The following DAB2IP variants were observed in gnomAD, a reference collection of about 807,000 sequenced individuals.
DAB2IP encodes disabled homolog 2-interacting protein.
A neutral mutation model predicts 107.2 loss-of-function variants in DAB2IP; 28 were observed. The ratio of observed to expected loss-of-function variants is 0.26; its 90% CI spans 0.19 to 0.36. The LOEUF (loss-of-function observed/expected upper bound fraction) is 0.36. Ranked by LOEUF, DAB2IP falls within the 10% of genes least tolerant of loss-of-function variation. DAB2IP has a pLI of 1.00. For synonymous variants in DAB2IP, 755 were observed against 706.4 expected (o/e 1.07, Z -1.09); for missense variants, 1,400 against 1,644.7 (o/e 0.85, Z 2.57).
intron 3 of DAB2IP, among the ~76,000 whole-genome samples, chr9:121,707,831 G>T (rs550250692): frequency 3.3e-5 from 5 of 152,226 alleles, no homozygotes; most frequent in African/African-American, 7.2e-5. Context: ...TCTGGCTTGG[G>T]AGGAGATTGA....
intron 1 of DAB2IP, among the ~76,000 whole-genome samples, chr9:121,641,991 TC>T (rs781202073): frequency 0.02 from 1,547 of 77,722 alleles, 56 homozygotes; most frequent in African/African-American, 0.038. Context: ...TTTCTTTCTT[TC>T]CTTTCTCTCT....
At chr9:121,604,048 T>C (rs961319778) in intron 1 of DAB2IP, among the ~76,000 whole-genome samples, 15 of 151,814 alleles carry the variant, frequency 9.9e-5, no homozygotes, top group African/African-American at 3.6e-4. Context: ...TACCTTAGAA[T>C]TACACAGTGT....
intron 3 of DAB2IP, among the ~76,000 whole-genome samples, chr9:121,705,968 G>T (rs943598353): frequency 5.3e-5 from 8 of 152,192 alleles, no homozygotes; most frequent in African/African-American, 1.9e-4. Context: ...GATCATAAGA[G>T]ACCAAAAAGG....
intron 8 of DAB2IP, among the ~76,000 whole-genome samples, chr9:121,764,620 T>C (rs941001457): frequency 6.6e-6 from 1 of 152,084 alleles, no homozygotes; most frequent in African/African-American, 2.4e-5. Flanking sequence ...AGTGGGTTCA[T>C]ATTCACCCCA....
intron 3 of DAB2IP, among the ~76,000 whole-genome samples, chr9:121,732,044 G>T (rs1180747434): frequency 6.6e-6 from 1 of 152,114 alleles, no homozygotes; most frequent in African/African-American, 2.4e-5. Context: ...TGGACTCTCT[G>T]GGGGGCCAGG....
chr9:121,619,241 G>C (rs976583742), intron 1 of DAB2IP, among the ~76,000 whole-genome samples: 2 of 152,132 alleles, frequency 1.3e-5, no homozygotes, highest in African/African-American at 4.8e-5. Flanking sequence ...CTGTCTCCCA[G>C]GTTCAAGCAA....
intron 3 of DAB2IP, among the ~76,000 whole-genome samples, chr9:121,756,438 TG>T (rs757396688): frequency 6.6e-6 from 1 of 152,230 alleles, no homozygotes; most frequent in Non-Finnish European, 1.5e-5. Flanking sequence ...GCATCCCTTC[TG>T]CTTCGAGACT....
chr9:121,570,221 T>C (rs7032907), intron 1 of DAB2IP, among the ~76,000 whole-genome samples: 75,493 of 148,864 alleles, frequency 0.51, 19,845 homozygotes, highest in East Asian at 0.76. Context: ...CAATCCATCC[T>C]CCCACCTCAG....
At position 121,782,524 on chromosome 9, in the gene DAB2IP, C is replaced by T. The variant is rs1273779712; in HGVS notation, c.*26C>T. 1 of 1,610,740 alleles carries T rather than the reference C, an allele frequency of 6.2e-7. No individual in the cohort carries two copies. Among genetic ancestry groups the T allele is most frequent in the Non-Finnish European group, 8.5e-7 (1 of 1,177,736 alleles). On this transcript the variant is annotated 3_prime_UTR_variant, in exon 16 of 16. Transcript: ENST00000408936. The surrounding 1 kb of genome is among the most constrained non-coding windows in gnomAD (Gnocchi z 6.1). ...CCTGCCTGAGGAGGGAGGAAGCTAC[C>T]CAAGGAGAGGGGGACTATGGTGGCC... is the stretch of plus-strand genomic sequence containing the variant.
chr9:121,607,668 T>TCTGCCC (rs537459869), intron 1 of DAB2IP, among the ~76,000 whole-genome samples: 142 of 152,294 alleles, frequency 9.3e-4, no homozygotes, highest in South Asian at 1.9e-3. Flanking sequence ...TTTATCTGTC[T>TCTGCCC]CTGCCCCTGC....
At chr9:121,594,755 C>G (rs1476435698) in intron 1 of DAB2IP, among the ~76,000 whole-genome samples, 1 of 152,224 alleles carries the variant, frequency 6.6e-6, no homozygotes, top group Non-Finnish European at 1.5e-5. Flanking sequence ...AGCTCACAGT[C>G]TGCTCCAGGA....
exon 4 of DAB2IP, chr9:121,757,040 G>C: frequency 6.2e-7 from 1 of 1,614,204 alleles, no homozygotes; most frequent in Non-Finnish European, 8.5e-7. Flanking sequence ...GGCTGAAGGA[G>C]TCTCGCTCCC....
rs1199811443 is a variant in DAB2IP at position 121,599,413 on chromosome 9, T to C, written c.40+32185T>C. ...TGGGGAGGTCGATTGACCAAACAGGTGCGCCCCCGCCCCTCTGCTCCCCGC... is the reference window on the plus strand; with the variant it reads ...TGGGGAGGTCGATTGACCAAACAGGCGCGCCCCCGCCCCTCTGCTCCCCGC... On this transcript the variant is annotated intron_variant, in intron 1 of 16. Coordinates refer to the DAB2IP transcript ENST00000259371. The surrounding 1 kb of genome is among the most constrained non-coding windows in gnomAD (Gnocchi z 6.9). Among the ~76,000 whole-genome samples, 3 of 151,914 alleles carry C rather than the reference T, an allele frequency of 2.0e-5. No homozygotes were observed. The East Asian group carries it at 5.9e-4, about 30-fold the overall frequency.
intron 3 of DAB2IP, among the ~76,000 whole-genome samples, chr9:121,718,369 G>A (rs1053807521): frequency 6.6e-6 from 1 of 152,178 alleles, no homozygotes; most frequent in Non-Finnish European, 1.5e-5. Flanking sequence ...TGTGGGTGAG[G>A]TCACGCCCAA....
intron 1 of DAB2IP, among the ~76,000 whole-genome samples, chr9:121,630,754 T>C (rs1831846242): frequency 6.6e-6 from 1 of 151,712 alleles, no homozygotes; most frequent in Admixed American, 6.6e-5. Flanking sequence ...ATTACAGGTG[T>C]GCACCACTAC....
intron 1 of DAB2IP, among the ~76,000 whole-genome samples, chr9:121,627,165 AC>A: frequency 1.3e-5 from 2 of 151,704 alleles, no homozygotes; most frequent in African/African-American, 2.4e-5. Context: ...ACACACACAC[AC>A]ACAAGCATAT....
At chr9:121,749,203 G>A (rs1271169579) in intron 3 of DAB2IP, among the ~76,000 whole-genome samples, 5 of 152,386 alleles carry the variant, frequency 3.3e-5, no homozygotes, top group South Asian at 2.1e-4. Flanking sequence ...CCAGGCCAGC[G>A]GGGCAAGGCT....
At chr9:121,756,861 G>T in intron 3 of DAB2IP, 152 bp from the exon 4 acceptor site, 1 of 1,056,120 alleles carries the variant, frequency 9.5e-7, no homozygotes, top group Non-Finnish European at 1.4e-6. Context: ...TGACAGCCCT[G>T]CCCCCAGATC....
chr9:121,699,304 C>A lies in DAB2IP; in HGVS notation c.229-21C>A, dbSNP rs532285106. 2 of 1,413,302 alleles carry A rather than the reference C, an allele frequency of 1.4e-6. No homozygotes were observed. The highest frequency in any genetic ancestry group is 1.9e-6 in the Non-Finnish European group (2 of 1,067,204). The allele number at this position is 1,413,302 out of a possible 1,614,324, so 87.5% of individuals were successfully genotyped here. On this transcript the variant is annotated intron_variant, in intron 2 of 15. Transcript: ENST00000408936. This position sits in a 1 kb window ranked among gnomAD's most constrained non-coding sequence, Gnocchi z 6.2. Reference sequence around the variant, plus strand: ...GCGCTAACCCCGCCTCCCCTTCCCCCTCTTGTCCCCCCGTGCGCAGGGCTT... The same window carrying A: ...GCGCTAACCCCGCCTCCCCTTCCCCATCTTGTCCCCCCGTGCGCAGGGCTT...
Sources: allele counts gnomAD v4.1 joint callset (sites outside exome capture counted in the v4.1 genomes callset), GRCh38; gene constraint gnomAD v4.1.1; non-coding constraint Gnocchi (gnomAD v3.1); transcripts MANE v1.5; gene names NCBI Gene and HGNC (gene_info 2026-07-23, HGNC 2026-07-21).